USP14: variants seen among roughly 807,000 people sequenced by gnomAD.
USP14 encodes the protein ubiquitin carboxyl-terminal hydrolase 14.
USP14 carries 38 observed loss-of-function variants against 76.5 expected under a neutral mutation model. That is an observed-to-expected ratio of 0.50 (90% CI 0.38 to 0.65). The LOEUF (loss-of-function observed/expected upper bound fraction) is 0.65, where lower values mean the gene tolerates loss of function less well. Among genes scored for constraint, USP14 ranks in the 30% least tolerant of loss-of-function variants. USP14 has a pLI of 0.00. For synonymous variants in USP14, 192 were observed against 191.7 expected, an observed-to-expected ratio of 1.00 and a Z score of -0.01; for missense variants, 467 against 586.5, an observed-to-expected ratio of 0.80 and a Z score of 2.10.
rs1481972812 is a variant in USP14 at position 158,751 on chromosome 18, A to C, written c.16+37A>C. The stretch of plus-strand genomic sequence containing the variant: ...CCTGGCCTCGCGCGCAGCACACCGG[A>C]CCGGCGCTAGGCCTCCGCGTAGGCC... On this transcript the variant is annotated intron_variant, in intron 1 of 15. Coordinates refer to ENST00000261601, the MANE Select transcript of USP14 (RefSeq NM_005151.4). The C allele has an allele frequency of 3.4e-6, 5 of 1,472,022 alleles. No homozygotes were observed. In the African/African-American group the frequency reaches 7.4e-5, roughly 22 times the overall value. 91.2% of individuals were successfully genotyped at this position (1,472,022 alleles called of 1,614,324 possible). A position where few individuals can be genotyped will look rare whatever the true frequency, so the allele number is the denominator to read the frequency against.
At chr18:167,897 C>T (rs1445002149) in intron 3 of USP14, among the ~76,000 whole-genome samples, 1 of 149,268 alleles carries the variant, frequency 6.7e-6, no homozygotes, top group Admixed American at 6.7e-5. Flanking sequence ...TTCCAGTGTT[C>T]ATGGCTAGAA....
intron 10 of USP14, among the ~76,000 whole-genome samples, chr18:200,929 G>C (rs1954379412): frequency 6.6e-6 from 1 of 152,060 alleles, no homozygotes; most frequent in Non-Finnish European, 1.5e-5. Context: ...AGCCTCCTGA[G>C]TAGCTGGGAC....
intron 2 of USP14, among the ~76,000 whole-genome samples, chr18:164,591 T>C (rs944294968): frequency 2.0e-5 from 3 of 152,014 alleles, no homozygotes. Flanking sequence ...GTAGCTGGGA[T>C]TACAGGTGTC....
chr18:163,222 A>T, intron 1 of USP14, 86 bp from the exon 2 acceptor site: 1 of 1,294,596 alleles, frequency 7.7e-7, no homozygotes, highest in South Asian at 1.5e-5. Flanking sequence ...TTGACTCCCG[A>T]TAACTGCCTA....
chr18:202,473 T>C (rs1378515793), intron 10 of USP14, among the ~76,000 whole-genome samples: 2 of 152,246 alleles, frequency 1.3e-5, no homozygotes, highest in Admixed American at 6.5e-5. Flanking sequence ...GATTGGCTTT[T>C]ATGCATAAAA....
intron 3 of USP14, among the ~76,000 whole-genome samples, chr18:167,967 C>T (rs1598263517): frequency 7.8e-6 from 1 of 128,908 alleles, no homozygotes; most frequent in East Asian, 2.2e-4. Flanking sequence ...GACAGAGTCT[C>T]ACTCTTATTG....
chr18:158,849 A>T, intron 1 of USP14, 135 bp downstream of exon 1: 1 of 1,235,626 alleles, frequency 8.1e-7, no homozygotes, highest in Non-Finnish European at 1.0e-6. Flanking sequence ...GGCGGCGCGG[A>T]GATGACCCAG....
chr18:167,311 A>G (rs1909301142), intron 3 of USP14, among the ~76,000 whole-genome samples: 1 of 152,178 alleles, frequency 6.6e-6, no homozygotes, highest in South Asian at 2.1e-4. Flanking sequence ...AAGATAGTAT[A>G]TGTTCTTATG....
At chr18:205,670 A>T (rs752936075) in intron 13 of USP14, among the ~76,000 whole-genome samples, 1 of 152,132 alleles carries the variant, frequency 6.6e-6, no homozygotes, top group Non-Finnish European at 1.5e-5. Context: ...AGTTCTAGCT[A>T]CTTGGGAGGC....
At chr18:205,859 C>T (rs771893364) in intron 13 of USP14, among the ~76,000 whole-genome samples, 5 of 152,156 alleles carry the variant, frequency 3.3e-5, no homozygotes, top group Non-Finnish European at 7.3e-5. Context: ...AATTCTCTGG[C>T]GACTCATCCA....
chr18:196,497 C>A (rs1237564467), intron 6 of USP14, 140 bp from the exon 7 acceptor site: 4 of 885,930 alleles, frequency 4.5e-6, no homozygotes, highest in African/African-American at 1.7e-5. Flanking sequence ...GCACTCCAGC[C>A]TGGGCAACGG....
At chr18:170,409 A>G (rs1385728788) in intron 3 of USP14, among the ~76,000 whole-genome samples, 1 of 152,234 alleles carries the variant, frequency 6.6e-6, no homozygotes, top group Non-Finnish European at 1.5e-5. Context: ...AAAGCTAGAA[A>G]TGATTAAGCT....
At chr18:166,721 T>G in intron 2 of USP14, 66 bp from the exon 3 acceptor site, 2 of 1,442,600 alleles carry the variant, frequency 1.4e-6, no homozygotes, top group Non-Finnish European at 1.9e-6. Flanking sequence ...TAAAATAAAT[T>G]GATTATTAGA....
At chr18:193,248 A>G (rs1374453464) in intron 6 of USP14, among the ~76,000 whole-genome samples, 1 of 152,172 alleles carries the variant, frequency 6.6e-6, no homozygotes, top group Non-Finnish European at 1.5e-5. Flanking sequence ...CTTAGTGAAT[A>G]TTGGTGTAAA....
Position 214,559 on chromosome 18 carries a change from C to A in USP14, c.*3275C>A. On this transcript the variant is annotated 3_prime_UTR_variant, in exon 16 of 16. Coordinates refer to ENST00000261601, the MANE Select transcript of USP14 (RefSeq NM_005151.4). The stretch of plus-strand genomic sequence containing the variant: ...TTTATTGTTTACCAAAACCAGTGGA[C>A]CTCTTATCAAATGCTGCTTGGTAAC... 4 of 1,283,668 alleles carry A rather than the reference C, an allele frequency of 3.1e-6. No individual in the cohort carries two copies. The South Asian group carries it at 5.5e-5, about 18-fold the overall frequency. 79.5% of individuals were successfully genotyped at this position (1,283,668 alleles called of 1,614,324 possible).
intron 1 of USP14, 140 bp from the exon 2 acceptor site, chr18:163,168 T>A (rs2144206596): frequency 1.5e-6 from 1 of 681,674 alleles, no homozygotes; most frequent in East Asian, 2.9e-5. Flanking sequence ...ATGCTCCTCT[T>A]GATTAGGTAA....
chr18:201,059 C>A lies in USP14; in HGVS notation c.876+1743C>A, dbSNP rs1343090456. Among the ~76,000 whole-genome samples, 3 of 152,134 alleles carry A rather than the reference C, an allele frequency of 2.0e-5. No individual in the cohort carries two copies. In the East Asian group the frequency reaches 5.8e-4, roughly 29 times the overall value. The stretch of plus-strand genomic sequence containing the variant: ...CTTGTGATCCGCCCACCTCGGCCTC[C>A]CAAAGTGCTGGGATTATAGGAATGA... On this transcript the variant is annotated intron_variant, in intron 10 of 15. Transcript: ENST00000261601.
chr18:167,167 C>T (rs555070288), intron 3 of USP14, among the ~76,000 whole-genome samples: 31 of 151,920 alleles, frequency 2.0e-4, no homozygotes, highest in African/African-American at 5.6e-4. Flanking sequence ...GAGGCTGAGG[C>T]GGGAGGCAGA....
At chr18:188,154 TTTTTTTC>T (rs1217285196) in intron 5 of USP14, among the ~76,000 whole-genome samples, 12 of 152,144 alleles carry the variant, frequency 7.9e-5, no homozygotes, top group Admixed American at 7.2e-4. Flanking sequence ...GGAAATGTTC[TTTTTTTC>T]TTTTTTCTTT....
Sources: allele counts gnomAD v4.1 joint callset (sites outside exome capture counted in the v4.1 genomes callset), GRCh38; gene constraint gnomAD v4.1.1; transcripts MANE v1.5; gene names NCBI Gene and HGNC (gene_info 2026-07-23, HGNC 2026-07-21).